CA4: variants seen among roughly 807,000 people sequenced by gnomAD.
CA4 encodes carbonic anhydrase 4.
In CA4, 24 loss-of-function variants were observed where a neutral mutation model predicts 34.5. The observed-to-expected ratio is 0.70, with a 90% CI of 0.50 to 0.98. The LOEUF (loss-of-function observed/expected upper bound fraction) is 0.98, where lower values mean the gene tolerates loss of function less well. Ranked by LOEUF, CA4 falls within the 50% of genes least tolerant of loss-of-function variation. The pLI is 0.00. For missense variants in CA4, 394 were observed against 396.7 expected (o/e 0.99, Z 0.06); for synonymous variants, 178 against 170.6 (o/e 1.04, Z -0.34).
In CA4 at chr17:60,158,082, G is replaced by A. The variant is rs369649537; in HGVS notation, c.535G>A (p.Gly179Ser). The change falls in exon 6 of 8, where the codon GGC becomes AGC. Residue 179 changes from glycine to serine, a missense_variant. Coordinates refer to ENST00000300900, the MANE Select transcript of CA4 (RefSeq NM_000717.5). ...LVEAGTQVNEGFQPLVEALSN... is the reference protein window; with the variant it reads ...LVEAGTQVNESFQPLVEALSN... ...CCAGGCTGGAACCCAGGTGAACGAG[G>A]GCTTCCAGCCACTGGTGGAGGCACT... The A allele has an allele frequency of 1.2e-5, 19 of 1,614,044 alleles. No homozygotes were observed. Among genetic ancestry groups the A allele is most frequent in the Non-Finnish European group, 1.6e-5 (19 of 1,179,984 alleles).
chr17:60,155,078 C>T lies in CA4; in HGVS notation c.59-236C>T, dbSNP rs1008169644. Among the ~76,000 whole-genome samples, 55 of 152,172 alleles carry T rather than the reference C, an allele frequency of 3.6e-4. 3 individuals carry two copies. Among genetic ancestry groups the T allele is most frequent in the Non-Finnish European group, 1.5e-5 (1 of 68,030 alleles). ...GGCTTCCCTGGAGGGCCAGTGGCTG[C>T]TTGGCCTGGCCCTGCCTGGGGAACA... is the stretch of plus-strand genomic sequence containing the variant. On this transcript the variant is annotated intron_variant, in intron 1 of 7. Transcript: ENST00000300900.
chr17:60,151,352 T>G (rs28714482), intron 1 of CA4: 34,157 of 152,028 alleles, frequency 0.22, 6,971 homozygotes, highest in African/African-American at 0.55. Flanking sequence ...CTGAGCTGTC[T>G]TAGAGGGTCG....
At chr17:60,161,581 G>A (rs2083789153), downstream of CA4, among the ~76,000 whole-genome samples, 1 of 152,008 alleles carries the variant, frequency 6.6e-6, no homozygotes, top group Non-Finnish European at 1.5e-5. Flanking sequence ...GGGAGAAGGT[G>A]GTCTCTAAGC....
At chr17:60,170,720 CA>C (rs1398582486) in exon 6 of CA4, 2 of 152,268 alleles carry the variant, frequency 1.3e-5, no homozygotes, top group African/African-American at 4.8e-5. Flanking sequence ...TGCATTTGCA[CA>C]AGTGTCCTTG....
chr17:60,163,528 G>C (rs2083818632), downstream of CA4, among the ~76,000 whole-genome samples: 2 of 150,912 alleles, frequency 1.3e-5, no homozygotes, highest in African/African-American at 2.4e-5. Context: ...TTGGGGAACT[G>C]TTCCTGCACC....
At chr17:60,151,577 C>T (rs931239777) in intron 1 of CA4, 22 of 152,168 alleles carry the variant, frequency 1.4e-4, no homozygotes, top group African/African-American at 4.3e-4. Flanking sequence ...GTCATTCTGA[C>T]TTCAGGGGTT....
At chr17:60,164,228 CTCTT>C (rs2083830031), downstream of CA4, among the ~76,000 whole-genome samples, 1 of 129,650 alleles carries the variant, frequency 7.7e-6, no homozygotes, top group Non-Finnish European at 1.6e-5. Flanking sequence ...CTTTCTCTTT[CTCTT>C]TCTCTTTCTT....
downstream of CA4, among the ~76,000 whole-genome samples, chr17:60,160,485 C>T (rs1213773644): frequency 4.6e-5 from 7 of 151,394 alleles, no homozygotes; most frequent in African/African-American, 7.3e-5. Context: ...GGCAGGGGGC[C>T]GGGCGCAGTG....
intron 5 of CA4, among the ~76,000 whole-genome samples, chr17:60,169,693 G>A (rs2083895637): frequency 6.6e-6 from 1 of 152,138 alleles, no homozygotes; most frequent in Non-Finnish European, 1.5e-5. Flanking sequence ...GTTTCACCAT[G>A]TTAGCCAGGA....
downstream of CA4, among the ~76,000 whole-genome samples, chr17:60,161,815 G>A (rs2083793469): frequency 6.6e-6 from 1 of 152,112 alleles, no homozygotes; most frequent in African/African-American, 2.4e-5. Flanking sequence ...GTGTGTGGAC[G>A]CAGAACCTGG....
At chr17:60,172,367 C>T (rs1247633471), downstream of CA4, among the ~76,000 whole-genome samples, 1 of 152,118 alleles carries the variant, frequency 6.6e-6, no homozygotes, top group African/African-American at 2.4e-5. Flanking sequence ...TTTCTTCCTC[C>T]TCCACTTCCT....
chr17:60,166,250 A>G (rs2083854357), intron 5 of CA4, among the ~76,000 whole-genome samples: 1 of 152,214 alleles, frequency 6.6e-6, no homozygotes, highest in Admixed American at 6.5e-5. Flanking sequence ...CTGGGATTAC[A>G]GGCACCTGCC....
At chr17:60,175,556 C>A (rs2083952650), downstream of CA4, among the ~76,000 whole-genome samples, 1 of 147,828 alleles carries the variant, frequency 6.8e-6, no homozygotes, top group Non-Finnish European at 1.5e-5. Flanking sequence ...GCAACAGAGA[C>A]CCTGTCTCTA....
At chr17:60,162,582 C>T (rs899975015), downstream of CA4, among the ~76,000 whole-genome samples, 1 of 151,984 alleles carries the variant, frequency 6.6e-6, no homozygotes, top group Non-Finnish European at 1.5e-5. Flanking sequence ...CACACACACA[C>T]ACACACCAGC....
At chr17:60,166,487 A>G (rs149249577) in intron 5 of CA4, among the ~76,000 whole-genome samples, 1 of 152,316 alleles carries the variant, frequency 6.6e-6, no homozygotes, top group East Asian at 1.9e-4. Context: ...CCTATGTAAA[A>G]TTGCTAGATA....
intron 7 of CA4, 129 bp downstream of exon 7, chr17:60,158,575 C>A: frequency 1.1e-6 from 1 of 877,192 alleles, no homozygotes. Flanking sequence ...CGTTGTTAAT[C>A]ATCGACATTC....
Position 60,156,636 on chromosome 17 carries a change from G to A in CA4, c.189G>A (p.Val63=). 1 of 1,614,042 alleles carries A rather than the reference G, an allele frequency of 6.2e-7. No homozygotes were observed. The highest frequency in any genetic ancestry group is 8.5e-7 in the Non-Finnish European group (1 of 1,179,892). ...ACATCGTCACCACCAAGGCAAAGGTGGACAAAAAACTGGGACGCTTCTTCT... is the reference window on the plus strand; with the variant it reads ...ACATCGTCACCACCAAGGCAAAGGTAGACAAAAAACTGGGACGCTTCTTCT... ...PINIVTTKAK[V]DKKLGRFFFS... Residue 63 remains valine, a synonymous_variant, in exon 3 of 8, where the codon GTG becomes GTA. Transcript: ENST00000300900.
rs780301229 is a variant in CA4, at chr17:60,149,990, C to T, written c.-45C>T. 7 of 1,545,324 alleles carry T rather than the reference C, an allele frequency of 4.5e-6. No homozygotes were observed. The highest frequency in any genetic ancestry group is 5.3e-6 in the Non-Finnish European group (6 of 1,132,640). On this transcript the variant is annotated 5_prime_UTR_variant, in exon 1 of 8. Transcript: ENST00000300900. ...ATCGCTGCACCCGCGGCGGCCTCCT[C>T]GGTGCGCGACCCCCGGCTCAGAGGA...
At chr17:60,158,926 C>T in intron 7 of CA4, 3 of 477,998 alleles carry the variant, frequency 6.3e-6, no homozygotes, top group Non-Finnish European at 1.1e-5. Flanking sequence ...CCAGCTGATG[C>T]TAACGCATGC....
Sources: allele counts gnomAD v4.1 joint callset (sites outside exome capture counted in the v4.1 genomes callset), GRCh38; gene constraint gnomAD v4.1.1; transcripts MANE v1.5; gene names NCBI Gene and HGNC (gene_info 2026-07-23, HGNC 2026-07-21).